The following GMDS variants were observed in gnomAD, a reference collection of about 807,000 sequenced individuals.
GMDS encodes the protein GDP-mannose 4,6-dehydratase.
Under a neutral mutation model 49.9 loss-of-function variants are expected in GMDS, and 20 were observed. That is an observed-to-expected ratio of 0.40 (90% CI 0.28 to 0.58). The LOEUF (loss-of-function observed/expected upper bound fraction) is 0.58. Among genes scored for constraint, GMDS ranks in the 20% least tolerant of loss-of-function variants. GMDS has a pLI of 0.42. For synonymous variants in GMDS, 177 were observed against 178.6 expected, an observed-to-expected ratio of 0.99 and a Z score of 0.07; for missense variants, 362 against 481.4, an observed-to-expected ratio of 0.75 and a Z score of 2.32.
intron 9 of GMDS, among the ~76,000 whole-genome samples, chr6:1,676,973 A>C (rs1198910540): frequency 6.6e-6 from 1 of 152,230 alleles, no homozygotes; most frequent in Non-Finnish European, 1.5e-5. Context: ...AGCAAAAGAA[A>C]CTAACAGAGT....
intron 7 of GMDS, among the ~76,000 whole-genome samples, chr6:1,808,369 T>C (rs1243026937): frequency 6.6e-6 from 1 of 152,206 alleles, no homozygotes; most frequent in African/African-American, 2.4e-5. Flanking sequence ...ATTTTTATTA[T>C]TGCCACTTCT....
intron 4 of GMDS, among the ~76,000 whole-genome samples, chr6:2,073,788 TATAATGACC>T (rs1212178189): frequency 6.6e-6 from 1 of 152,218 alleles, no homozygotes; most frequent in Non-Finnish European, 1.5e-5. Context: ...GCCTGGGTTA[TATAATGACC>T]TCCAGTTCCA....
chr6:2,006,541 T>G (rs1457006134), intron 4 of GMDS, among the ~76,000 whole-genome samples: 2 of 152,170 alleles, frequency 1.3e-5, no homozygotes, highest in Non-Finnish European at 2.9e-5. Flanking sequence ...ACTATGCATT[T>G]CTTAACAACT....
At chr6:2,067,238 C>A (rs1301341414) in intron 4 of GMDS, among the ~76,000 whole-genome samples, 1 of 151,996 alleles carries the variant, frequency 6.6e-6, no homozygotes, top group Non-Finnish European at 1.5e-5. Context: ...CACAACATAC[C>A]AGAATCTCTG....
chr6:2,185,257 TCAA>T (rs945849369), intron 1 of GMDS, among the ~76,000 whole-genome samples: 1 of 152,134 alleles, frequency 6.6e-6, no homozygotes, highest in Non-Finnish European at 1.5e-5. Context: ...AAAGTTGATA[TCAA>T]CAACAACATC....
At chr6:1,689,852 C>A (rs2113332743) in intron 9 of GMDS, among the ~76,000 whole-genome samples, 1 of 152,262 alleles carries the variant, frequency 6.6e-6, no homozygotes, top group South Asian at 2.1e-4. Context: ...CTGGATTAAT[C>A]ATAAATGAGT....
intron 7 of GMDS, among the ~76,000 whole-genome samples, chr6:1,925,496 T>C (rs945290191): frequency 2.0e-5 from 3 of 152,208 alleles, no homozygotes; most frequent in Non-Finnish European, 4.4e-5. Flanking sequence ...TATTCTGTCC[T>C]TTACACAGAT....
At chr6:1,672,957 C>T (rs1225072226) in intron 9 of GMDS, among the ~76,000 whole-genome samples, 4 of 152,074 alleles carry the variant, frequency 2.6e-5, no homozygotes, top group African/African-American at 9.7e-5. Flanking sequence ...ACTCCCACCA[C>T]TCCCAGCCGG....
Position 1,766,339 on chromosome 6 carries a change from A to G in GMDS, c.772-23753T>C, listed in dbSNP as rs1488942656. ...ATTTGGGCTTCAGGAAACGCGGTGC[A>G]TGAGCTGTTTCAGGTGCTGGGGAAA... On this transcript the variant is annotated intron_variant, in intron 7 of 10. Coordinates refer to ENST00000380815, the MANE Select transcript of GMDS (RefSeq NM_001500.4). The surrounding 1 kb of genome is among the most constrained non-coding windows in gnomAD (Gnocchi z 4.5). 6.6e-6 allele frequency among the ~76,000 whole-genome samples: 1 copy of G among 152,186 alleles called. No individual in the cohort carries two copies. Among genetic ancestry groups the G allele is most frequent in the African/African-American group, 2.4e-5 (1 of 41,452 alleles).
At chr6:1,868,657 G>A (rs1206526990) in intron 7 of GMDS, among the ~76,000 whole-genome samples, 2 of 152,138 alleles carry the variant, frequency 1.3e-5, no homozygotes, top group African/African-American at 4.8e-5. Context: ...GCATAGTTGG[G>A]ATTCATTCCT....
chr6:1,776,811 T>G (rs1768854986), intron 7 of GMDS, among the ~76,000 whole-genome samples: 1 of 152,184 alleles, frequency 6.6e-6, no homozygotes, highest in African/African-American at 2.4e-5. Flanking sequence ...CCTTTCTATC[T>G]GGGCACTTAG....
At chr6:2,041,953 C>G (rs971012427) in intron 4 of GMDS, among the ~76,000 whole-genome samples, 2 of 152,160 alleles carry the variant, frequency 1.3e-5, no homozygotes, top group African/African-American at 4.8e-5. Flanking sequence ...CATGCCTATG[C>G]ACATGGACTG....
chr6:2,001,865 A>G (rs1200321592), intron 4 of GMDS, among the ~76,000 whole-genome samples: 3 of 152,216 alleles, frequency 2.0e-5, no homozygotes, highest in Non-Finnish European at 4.4e-5. Flanking sequence ...CCCTTACTTC[A>G]TAGCATATAT....
chr6:2,114,571 T>C lies in GMDS; in HGVS notation c.345+1200A>G, dbSNP rs1774737348. Among the ~76,000 whole-genome samples, 4 of 152,208 alleles carry C rather than the reference T, an allele frequency of 2.6e-5. No individual in the cohort carries two copies. In the South Asian group the frequency reaches 8.3e-4, roughly 31 times the overall value. ...AGACCCTGATACCTTTCACAGACTT[T>C]GGTGAAAGTCTGGATATAGAACAGA... On this transcript the variant is annotated intron_variant, in intron 4 of 10. Coordinates refer to ENST00000380815, the MANE Select transcript of GMDS (RefSeq NM_001500.4).
At chr6:1,956,279 C>T (rs1763634676) in intron 6 of GMDS, among the ~76,000 whole-genome samples, 1 of 152,118 alleles carries the variant, frequency 6.6e-6, no homozygotes, top group South Asian at 2.1e-4. Context: ...ATGAAAGCAG[C>T]CATAGATGAT....
intron 4 of GMDS, among the ~76,000 whole-genome samples, chr6:2,036,198 G>A (rs1769298045): frequency 6.6e-6 from 1 of 152,082 alleles, no homozygotes; most frequent in Admixed American, 6.5e-5. Context: ...AAGGAAATCG[G>A]GAGACTTAAT....
chr6:2,242,061 T>A (rs181006736), intron 1 of GMDS, among the ~76,000 whole-genome samples: 38 of 152,260 alleles, frequency 2.5e-4, no homozygotes, highest in Non-Finnish European at 4.7e-4. Flanking sequence ...ACAAAAGATA[T>A]GAAATTACTT....
intron 1 of GMDS, among the ~76,000 whole-genome samples, chr6:2,161,274 G>A (rs186010027): frequency 4.6e-5 from 7 of 152,280 alleles, no homozygotes; most frequent in Non-Finnish European, 8.8e-5. Flanking sequence ...CTCCCAAAGT[G>A]CTGGGATTAC....
intron 6 of GMDS, among the ~76,000 whole-genome samples, chr6:1,945,092 G>A (rs1420553180): frequency 6.6e-6 from 1 of 152,092 alleles, no homozygotes; most frequent in East Asian, 1.9e-4. Flanking sequence ...AGAAATAAAG[G>A]ATGACTTCTA....
Sources: gnomAD v4.1 joint callset for allele counts (sites outside exome capture counted in the v4.1 genomes callset) on GRCh38, gnomAD v4.1.1 for gene constraint, Gnocchi (gnomAD v3.1) non-coding constraint, MANE v1.5 for transcripts, NCBI Gene and HGNC (gene_info 2026-07-23, HGNC 2026-07-21) for gene names.